Variants in MTR observed in about 807,000 individuals in gnomAD.
MTR encodes the protein 5-methyltetrahydrofolate-homocysteine methyltransferase.
MTR carries 84 observed loss-of-function variants against 154.8 expected under a neutral mutation model. The observed-to-expected ratio is 0.54, with a 90% CI of 0.45 to 0.65. MTR has a LOEUF of 0.65. Ranked by LOEUF, MTR falls within the 30% of genes least tolerant of loss-of-function variation. The pLI is 0.00. For synonymous variants in MTR, 554 were observed against 553.9 expected (o/e 1.00, Z 0.00); for missense variants, 1,275 against 1,570.2 (o/e 0.81, Z 3.18).
intron 15 of MTR, among the ~76,000 whole-genome samples, chr1:236,842,938 TA>T (rs1385005419): frequency 6.6e-6 from 1 of 151,450 alleles, no homozygotes; most frequent in African/African-American, 2.4e-5. Flanking sequence ...ATACAAAAAT[TA>T]GCCAGATGTG....
intron 1 of MTR, chr1:236,800,018 G>A: frequency 1.0e-5 from 10 of 980,392 alleles, no homozygotes; most frequent in Non-Finnish European, 1.2e-5. Flanking sequence ...GTGGTAAATA[G>A]TGAACTGTCT....
At position 236,897,908 on chromosome 1, in the gene MTR, G is replaced by A; in HGVS notation, c.*264G>A. On this transcript the variant is annotated 3_prime_UTR_variant, in exon 33 of 33. Coordinates refer to ENST00000366577, the MANE Select transcript of MTR (RefSeq NM_000254.3). ...TGGTTTCCCTGGTCCCTCTGAGATG[G>A]GGACAGACTGAAGACAGAGGTCGTT... 2.1e-6 allele frequency: 1 copy of A among 479,542 alleles called. No homozygotes were observed. The allele number at this position is 479,542 out of a possible 1,614,324, so 29.7% of individuals were successfully genotyped here.
At chr1:236,880,112 G>A (rs1665644653) in intron 24 of MTR, among the ~76,000 whole-genome samples, 1 of 152,170 alleles carries the variant, frequency 6.6e-6, no homozygotes, top group African/African-American at 2.4e-5. Flanking sequence ...GGTGAGCCGA[G>A]ATTGCACCAC....
chr1:236,890,487 C>T (rs1285012985), intron 28 of MTR, among the ~76,000 whole-genome samples: 1 of 152,138 alleles, frequency 6.6e-6, no homozygotes, highest in Non-Finnish European at 1.5e-5. Flanking sequence ...TCACAGCGAC[C>T]TCTGGGGGAC....
In MTR at chr1:236,880,738, C is replaced by T; in HGVS notation, c.2595-17C>T. On this transcript the variant is annotated splice_polypyrimidine_tract_variant and intron_variant, in intron 24 of 32. Transcript: ENST00000366577. ...CAGTGCTGATGGATATATTTTCTTT[C>T]TGACCCTTCTTTTTAGAACCCACAC... 6.2e-7 allele frequency: 1 copy of T among 1,608,156 alleles called. No homozygotes were observed. The highest frequency in any genetic ancestry group is 2.2e-5 in the East Asian group (1 of 44,838).
chr1:236,853,118 T>C (rs775966245), intron 18 of MTR, 30 bp downstream of exon 18: 2 of 1,612,200 alleles, frequency 1.2e-6, no homozygotes, highest in Non-Finnish European at 1.7e-6. Flanking sequence ...AATAGATGGA[T>C]TTTTCCTATC....
Position 236,878,947 on chromosome 1 carries a change from C to T in MTR, c.2595-1808C>T, listed in dbSNP as rs1665578810. The stretch of plus-strand genomic sequence containing the variant: ...TGAATGCCCATCTTCCAGCTCAGTT[C>T]TCATAGCCTAAGGCTTTGTAGTCCT... On this transcript the variant is annotated intron_variant, in intron 24 of 32. Transcript: ENST00000366577. Among the ~76,000 whole-genome samples the T allele has an allele frequency of 2.0e-5, 3 of 152,234 alleles. No homozygotes were observed. The South Asian group carries it at 6.2e-4, about 31-fold the overall frequency.
In MTR at chr1:236,803,551, G is replaced by A; in HGVS notation, c.158G>A (p.Gly53Asp). The part of the protein sequence containing the change: ...REKLNEEHFR[G>D]QEFKDHARPL... The stretch of plus-strand genomic sequence containing the variant: ...AAGCTAAACGAAGAACACTTCCGAG[G>A]TCAGGAATTTAAAGATCATGCCAGG... Residue 53 changes from glycine to aspartate, a missense_variant, in exon 2 of 33, where the codon GGT (glycine) becomes GAT (aspartate). Gly to Asp is a moderately conservative substitution (Grantham distance 94). Transcript: ENST00000366577. 3 of 1,614,142 alleles carry A rather than the reference G, an allele frequency of 1.9e-6. No homozygotes were observed. The highest frequency in any genetic ancestry group is 2.5e-6 in the Non-Finnish European group (3 of 1,180,030).
intron 32 of MTR, 79 bp from the exon 33 acceptor site, chr1:236,897,479 T>A (rs1035404360): frequency 7.5e-7 from 1 of 1,327,736 alleles, no homozygotes; most frequent in South Asian, 1.2e-5. Flanking sequence ...ACTTAATGTT[T>A]CTTGGCAAAT....
At chr1:236,832,209 T>C (rs1460166636) in intron 13 of MTR, 131 bp downstream of exon 13, 2 of 805,500 alleles carry the variant, frequency 2.5e-6, no homozygotes, top group Non-Finnish European at 4.2e-6. Context: ...GATGGTAATG[T>C]GTGTTTGCAG....
intron 15 of MTR, among the ~76,000 whole-genome samples, chr1:236,845,915 G>C (rs1663543049): frequency 6.6e-6 from 1 of 152,130 alleles, no homozygotes; most frequent in Admixed American, 6.5e-5. Flanking sequence ...GCTTTGCTTG[G>C]ATTGACACCA....
In MTR at chr1:236,806,174, G is replaced by C. The variant is rs1182007274; in HGVS notation, c.280G>C (p.Glu94Gln). The C allele has an allele frequency of 6.2e-7, 1 of 1,614,128 alleles. No homozygotes were observed. Among genetic ancestry groups the C allele is most frequent in the Admixed American group, 1.7e-5 (1 of 60,014 alleles). Reference sequence around the variant, plus strand: ...CTTGCTGGCTGGGGCAGATATCATTGAAACAAATACTTTTAGCAGCACTAG... The same window carrying C: ...CTTGCTGGCTGGGGCAGATATCATTCAAACAAATACTTTTAGCAGCACTAG... ...EYLLAGADII[E>Q]TNTFSSTSIA... Residue 94 changes from glutamate to glutamine, a missense_variant, in exon 3 of 33, where the codon GAA (glutamate) becomes CAA (glutamine). Transcript: ENST00000366577.
chr1:236,895,951 C>T (rs929014356), intron 31 of MTR, among the ~76,000 whole-genome samples: 2 of 152,198 alleles, frequency 1.3e-5, no homozygotes, highest in Non-Finnish European at 2.9e-5. Context: ...TGGATGGTGT[C>T]CCTGGGTGCT....
chr1:236,873,790 T>A lies in MTR; in HGVS notation c.2423T>A (p.Val808Asp). The change falls in exon 23 of 33, where the codon GTC (valine) becomes GAC (aspartate). Residue 808 changes from valine to aspartate, a missense_variant. Physicochemically the swap from Val to Asp is radical, Grantham distance 152. Coordinates refer to ENST00000366577, the MANE Select transcript of MTR (RefSeq NM_000254.3). Reference sequence around the variant, plus strand: ...TGCCTCAGAGTTATTGATTTAGGAGTCATGACTCCATGTGATAAGATACTG... The same window carrying A: ...TGCCTCAGAGTTATTGATTTAGGAGACATGACTCCATGTGATAAGATACTG... ...CNNFRVIDLG[V>D]MTPCDKILKA... The A allele has an allele frequency of 6.2e-7, 1 of 1,614,016 alleles. No homozygotes were observed. Among genetic ancestry groups the A allele is most frequent in the Non-Finnish European group, 8.5e-7 (1 of 1,179,896 alleles).
chr1:236,856,692 C>T (rs1664225888), intron 18 of MTR, among the ~76,000 whole-genome samples: 1 of 152,088 alleles, frequency 6.6e-6, no homozygotes, highest in Non-Finnish European at 1.5e-5. Flanking sequence ...CTTCCCAACC[C>T]CCCGACAGGC....
chr1:236,896,894 T>G, intron 31 of MTR, 112 bp from the exon 32 acceptor site: 133 of 808,962 alleles, frequency 1.6e-4, no homozygotes, highest in Non-Finnish European at 2.2e-4. Flanking sequence ...CTAGAAGGCA[T>G]GAGCTCGCTT....
chr1:236,806,199 G>A lies in MTR; in HGVS notation c.305G>A (p.Ser102Asn). 1 of 1,614,140 alleles carries A rather than the reference G, an allele frequency of 6.2e-7. No individual in the cohort carries two copies. Among genetic ancestry groups the A allele is most frequent in the Middle Eastern group, 1.6e-4 (1 of 6,062 alleles). The change falls in exon 3 of 33, where the codon AGT becomes AAT. Residue 102 changes from serine to asparagine, a missense_variant. Coordinates refer to ENST00000366577, the MANE Select transcript of MTR (RefSeq NM_000254.3). ...GAAACAAATACTTTTAGCAGCACTA[G>A]TATTGCCCAAGCTGACTATGGCCTT... is the stretch of plus-strand genomic sequence containing the variant. ...IIETNTFSST[S>N]IAQADYGLEH...
chr1:236,825,835 G>C (rs574049294), intron 10 of MTR, among the ~76,000 whole-genome samples: 6 of 152,302 alleles, frequency 3.9e-5, no homozygotes, highest in African/African-American at 1.4e-4. Context: ...ACTATCCACT[G>C]CTGCTTCTTA....
At chr1:236,852,705 GGCAT>G (rs1663979946) in intron 17 of MTR, 68 bp downstream of exon 17, 1 of 1,406,966 alleles carries the variant, frequency 7.1e-7, no homozygotes, top group African/African-American at 1.4e-5. Flanking sequence ...TTCAAAGTGT[GGCAT>G]GCAGGCTAAG....
Sources: allele counts gnomAD v4.1 joint callset (sites outside exome capture counted in the v4.1 genomes callset), GRCh38; gene constraint gnomAD v4.1.1; transcripts MANE v1.5; gene names NCBI Gene and HGNC (gene_info 2026-07-23, HGNC 2026-07-21).